The following DLG2 variants were observed in gnomAD, a reference collection of about 807,000 sequenced individuals.
The protein encoded by DLG2 is disks large homolog 2.
A neutral mutation model predicts 132.5 loss-of-function variants in DLG2; 45 were observed. The observed-to-expected ratio is 0.34, with a 90% CI of 0.27 to 0.44. The LOEUF (loss-of-function observed/expected upper bound fraction) is 0.44. Ranked by LOEUF, DLG2 falls within the 20% of genes least tolerant of loss-of-function variation. The probability of loss-of-function intolerance (pLI) is 1.00; values close to 1 mark genes in which losing one functional copy is unlikely to be tolerated. For synonymous variants in DLG2, 424 were observed against 419.6 expected, an observed-to-expected ratio of 1.01 and a Z score of -0.13; for missense variants, 1,045 against 1,196.9, an observed-to-expected ratio of 0.87 and a Z score of 1.87.
chr11:84,642,117 A>AGTGTGTGTGTGTATATGTAGAGT (rs1555124542), intron 6 of DLG2, among the ~76,000 whole-genome samples: 8 of 138,732 alleles, frequency 5.8e-5, no homozygotes, highest in African/African-American at 2.1e-4. Flanking sequence ...GTATATGTAG[A>AGTGTGTGTGTGTATATGTAGAGT]GTGTGTGTGT....
chr11:85,179,612 TAAG>T (rs1055519537), intron 4 of DLG2, among the ~76,000 whole-genome samples: 3 of 150,922 alleles, frequency 2.0e-5, no homozygotes, highest in Non-Finnish European at 4.4e-5. Context: ...GAGGAAAAAA[TAAG>T]AAGAAAACAT....
intron 9 of DLG2, among the ~76,000 whole-genome samples, chr11:84,134,989 G>C (rs527276900): frequency 6.6e-6 from 1 of 151,996 alleles, no homozygotes; most frequent in African/African-American, 2.4e-5. Context: ...TTCTGTTTGG[G>C]TGACTAAAGT....
intron 22 of DLG2, among the ~76,000 whole-genome samples, chr11:83,475,680 A>C (rs2092540291): frequency 6.6e-6 from 1 of 150,410 alleles, no homozygotes; most frequent in African/African-American, 2.5e-5. Flanking sequence ...TCTGCCTCTA[A>C]ACACAAGTTC....
intron 3 of DLG2, among the ~76,000 whole-genome samples, chr11:85,506,518 G>A (rs1374048296): frequency 6.6e-6 from 1 of 152,052 alleles, no homozygotes; most frequent in Admixed American, 6.6e-5. Context: ...CTGCCTAGTT[G>A]TGTGATTTTT....
intron 6 of DLG2, among the ~76,000 whole-genome samples, chr11:84,556,385 T>C (rs1177401401): frequency 6.6e-6 from 1 of 152,164 alleles, no homozygotes; most frequent in Non-Finnish European, 1.5e-5. Context: ...TGACTCGTAT[T>C]TCTGTTTTGG....
intron 6 of DLG2, among the ~76,000 whole-genome samples, chr11:84,730,249 TTTC>T (rs1320428350): frequency 6.6e-6 from 1 of 152,010 alleles, no homozygotes; most frequent in Admixed American, 6.6e-5. Context: ...GAAAGTTAAT[TTTC>T]TTAAGTACAA....
chr11:84,930,959 C>G (rs1263662493), intron 6 of DLG2, among the ~76,000 whole-genome samples: 1 of 152,074 alleles, frequency 6.6e-6, no homozygotes, highest in African/African-American at 2.4e-5. Context: ...CTTCTTAACA[C>G]ATTGATTTAT....
At chr11:83,806,590 A>C (rs1006034496) in intron 17 of DLG2, among the ~76,000 whole-genome samples, 5 of 152,188 alleles carry the variant, frequency 3.3e-5, no homozygotes, top group Non-Finnish European at 7.4e-5. Flanking sequence ...TTTAATGAAT[A>C]AATATCAATA....
chr11:84,540,574 C>A (rs553302980), intron 6 of DLG2, among the ~76,000 whole-genome samples: 2 of 152,242 alleles, frequency 1.3e-5, no homozygotes, highest in South Asian at 4.1e-4. Flanking sequence ...GAAATAGGAA[C>A]ACTTTTACAC....
rs191637323 is a variant in DLG2, at chr11:84,066,863, C to T, written c.750-7379G>A. 8.3e-4 allele frequency among the ~76,000 whole-genome samples: 126 copies of T among 152,250 alleles called. 1 individual carries two copies. The highest frequency in any genetic ancestry group is 2.9e-3 in the African/African-American group (119 of 41,562). On this transcript the variant is annotated intron_variant, in intron 10 of 27. Coordinates refer to ENST00000376104, the MANE Select transcript of DLG2 (RefSeq NM_001142699.3). ...TGAAGAATGTCCCCTAATTACCTTG[C>T]GCTTTACTGTTTCTATCAGTAGTAT...
chr11:83,796,497 G>A (rs992616823), intron 17 of DLG2, among the ~76,000 whole-genome samples: 1 of 152,140 alleles, frequency 6.6e-6, no homozygotes, highest in Non-Finnish European at 1.5e-5. Flanking sequence ...TTCTCACCAA[G>A]TGACCATTTG....
chr11:84,472,479 C>G (rs1222220940), intron 7 of DLG2, among the ~76,000 whole-genome samples: 1 of 151,858 alleles, frequency 6.6e-6, no homozygotes, highest in Non-Finnish European at 1.5e-5. Flanking sequence ...TTGGCACAGA[C>G]TTTATAAGAC....
intron 6 of DLG2, among the ~76,000 whole-genome samples, chr11:84,920,832 C>T (rs1303516481): frequency 6.6e-6 from 1 of 151,760 alleles, no homozygotes; most frequent in East Asian, 1.9e-4. Context: ...TTATAAAGGT[C>T]CTATTAACAA....
At chr11:84,490,627 T>TAC (rs919186131) in intron 7 of DLG2, among the ~76,000 whole-genome samples, 8 of 119,544 alleles carry the variant, frequency 6.7e-5, no homozygotes, top group Admixed American at 1.0e-4. Flanking sequence ...TCAACAGGAA[T>TAC]ACACACACAC....
At chr11:84,648,633 T>C (rs950618788) in intron 6 of DLG2, among the ~76,000 whole-genome samples, 3 of 152,090 alleles carry the variant, frequency 2.0e-5, no homozygotes, top group Non-Finnish European at 4.4e-5. Flanking sequence ...TTCCTTTTGG[T>C]AATTAGTGAG....
intron 18 of DLG2, among the ~76,000 whole-genome samples, chr11:83,701,421 A>C (rs1267017764): frequency 6.6e-6 from 1 of 152,218 alleles, no homozygotes; most frequent in Non-Finnish European, 1.5e-5. Context: ...CCTGATCATA[A>C]ACATCTATCT....
chr11:84,095,670 T>G lies in DLG2; in HGVS notation c.749+3253A>C, dbSNP rs77578865. On this transcript the variant is annotated intron_variant, in intron 10 of 27. Transcript: ENST00000376104. ...AGTTAAATAGGATCCCCAAATGATT[T>G]ATGCCTCAGGATAAGTCACTCCTCT... Among the ~76,000 whole-genome samples, 45 of 152,288 alleles carry G rather than the reference T, an allele frequency of 3.0e-4. 1 individual carries two copies. The East Asian group carries it at 8.3e-3, about 28-fold the overall frequency.
intron 4 of DLG2, among the ~76,000 whole-genome samples, chr11:85,256,370 C>A (rs1439410699): frequency 6.6e-6 from 1 of 152,124 alleles, no homozygotes; most frequent in Non-Finnish European, 1.5e-5. Context: ...CCCATCCATG[C>A]CACTGACAGC....
At chr11:84,746,382 G>A (rs2065364222) in intron 6 of DLG2, among the ~76,000 whole-genome samples, 2 of 150,906 alleles carry the variant, frequency 1.3e-5, no homozygotes, top group Non-Finnish European at 2.9e-5. Context: ...TTTTACATTT[G>A]AAATTAGCAA....
Sources: allele counts gnomAD v4.1 joint callset (sites outside exome capture counted in the v4.1 genomes callset), GRCh38; gene constraint gnomAD v4.1.1; transcripts MANE v1.5; gene names NCBI Gene and HGNC (gene_info 2026-07-23, HGNC 2026-07-21).